SCARA5: variants seen among roughly 807,000 people sequenced by gnomAD.
SCARA5 encodes the protein scavenger receptor class A, member 5 (putative).
Under a neutral mutation model 46.3 loss-of-function variants are expected in SCARA5, and 45 were observed. The ratio of observed to expected loss-of-function variants is 0.97; its 90% CI spans 0.76 to 1.24. The LOEUF (loss-of-function observed/expected upper bound fraction) is 1.24, where lower values mean the gene tolerates loss of function less well. SCARA5 is among the 50% of genes most tolerant of loss of function. The probability of loss-of-function intolerance (pLI) is 0.00; values close to 1 mark genes in which losing one functional copy is unlikely to be tolerated. For synonymous variants in SCARA5, 333 were observed against 306.5 expected, an observed-to-expected ratio of 1.09 and a Z score of -0.90; for missense variants, 680 against 689.0, an observed-to-expected ratio of 0.99 and a Z score of 0.15.
chr8:27,916,939 C>T (rs905599122), intron 4 of SCARA5, among the ~76,000 whole-genome samples: 5 of 152,058 alleles, frequency 3.3e-5, no homozygotes, highest in African/African-American at 1.2e-4. Context: ...GGGTGAGGCC[C>T]TTGTGAATGG....
chr8:27,892,692 C>T (rs766475793), intron 7 of SCARA5, among the ~76,000 whole-genome samples: 6 of 151,280 alleles, frequency 4.0e-5, no homozygotes, highest in Non-Finnish European at 7.4e-5. Context: ...TCACTCAAGC[C>T]CCGCCTCCGG....
intron 7 of SCARA5, among the ~76,000 whole-genome samples, chr8:27,895,294 G>T (rs1563515584): frequency 1.3e-5 from 2 of 152,178 alleles, no homozygotes; most frequent in Non-Finnish European, 2.9e-5. Flanking sequence ...CGTGCCCCCA[G>T]CCGGCCTGAG....
Position 27,934,202 on chromosome 8 carries a change from C to A in SCARA5, c.242-11957G>T, listed in dbSNP as rs566567092. ...GGCAGCTGATGGGCAGGCCTGGGGA[C>A]CTCCCAGGGTGCAGAGGACCAGCTG... On this transcript the variant is annotated intron_variant, in intron 3 of 8. Transcript: ENST00000354914. 2.0e-5 allele frequency among the ~76,000 whole-genome samples: 3 copies of A among 152,208 alleles called. No homozygotes were observed. In the South Asian group the frequency reaches 6.2e-4, roughly 32 times the overall value.
chr8:27,917,294 T>C (rs915510714), intron 4 of SCARA5, among the ~76,000 whole-genome samples: 2 of 152,142 alleles, frequency 1.3e-5, no homozygotes, highest in Non-Finnish European at 1.5e-5. Flanking sequence ...AAAGACTACA[T>C]GGAGGATCCC....
Position 27,921,594 on chromosome 8 carries a change from A to G in SCARA5, c.893T>C (p.Leu298Pro). Residue 298 changes from leucine to proline, a missense_variant, in exon 4 of 9, where the codon CTG becomes CCG. Transcript: ENST00000354914. ...ACCTTTCGCGAGGGAGATGTTCCGC[A>G]GTGCGATGGAGTGCTCCCAGTCCTT... is the stretch of plus-strand genomic sequence containing the variant. ...RLKDWEHSIA[L>P]RNISLAKGPP... The G allele has an allele frequency of 6.4e-7, 1 of 1,565,064 alleles. No individual in the cohort carries two copies.
chr8:27,924,617 G>A (rs1032557749), intron 3 of SCARA5, among the ~76,000 whole-genome samples: 1 of 152,242 alleles, frequency 6.6e-6, no homozygotes, highest in African/African-American at 2.4e-5. Context: ...AGTTAGTGCT[G>A]ACTGTCAGAA....
chr8:27,927,222 C>T (rs76144781), intron 3 of SCARA5, among the ~76,000 whole-genome samples: 7,585 of 152,270 alleles, frequency 0.05, 337 homozygotes, highest in East Asian at 0.21. Context: ...GCCTGCTCAT[C>T]GGCTGCCTCC....
At chr8:27,967,462 AAG>A in intron 2 of SCARA5, among the ~76,000 whole-genome samples, 1 of 152,134 alleles carries the variant, frequency 6.6e-6, no homozygotes, top group Non-Finnish European at 1.5e-5. Context: ...AAGTGGAAAG[AAG>A]GGATCCTCTC....
In SCARA5 at chr8:27,976,760, C is replaced by T. The variant is rs929798180; in HGVS notation, c.113-10218G>A. 8.5e-5 allele frequency among the ~76,000 whole-genome samples: 13 copies of T among 152,100 alleles called. No individual in the cohort carries two copies. The East Asian group carries it at 1.7e-3, about 20-fold the overall frequency. On this transcript the variant is annotated intron_variant, in intron 2 of 8. Coordinates refer to ENST00000354914, the MANE Select transcript of SCARA5 (RefSeq NM_173833.6). ...AGCCTCCAGCTCTGCTACTTACGCA[C>T]GAAAAACACAGCAGGCCATGCCAGA...
At chr8:27,969,653 T>C (rs1474761112) in intron 2 of SCARA5, among the ~76,000 whole-genome samples, 1 of 152,078 alleles carries the variant, frequency 6.6e-6, no homozygotes, top group Non-Finnish European at 1.5e-5. Context: ...AATGATGGGC[T>C]CTGGGAGATA....
chr8:27,923,179 G>T (rs972234328), intron 3 of SCARA5, among the ~76,000 whole-genome samples: 2 of 152,210 alleles, frequency 1.3e-5, no homozygotes, highest in African/African-American at 4.8e-5. Context: ...TTCCCCTCAA[G>T]TCAGCTCCAG....
intron 3 of SCARA5, among the ~76,000 whole-genome samples, chr8:27,936,869 G>A (rs1807865997): frequency 6.6e-6 from 1 of 152,120 alleles, no homozygotes; most frequent in Non-Finnish European, 1.5e-5. Flanking sequence ...TTGTGCCCTG[G>A]CCCTAGCATT....
intron 8 of SCARA5, among the ~76,000 whole-genome samples, chr8:27,877,136 G>C (rs747014082): frequency 2.0e-4 from 30 of 152,254 alleles, no homozygotes; most frequent in Non-Finnish European, 3.5e-4. Flanking sequence ...TTGTAGAGAG[G>C]AGGAGAACAT....
At chr8:27,967,588 C>A (rs767943752) in intron 2 of SCARA5, among the ~76,000 whole-genome samples, 37 of 152,104 alleles carry the variant, frequency 2.4e-4, no homozygotes, top group Non-Finnish European at 4.9e-4. Flanking sequence ...GTGGGTAAGA[C>A]CCCTCTCCAG....
At chr8:27,949,056 C>T (rs754838506) in intron 3 of SCARA5, among the ~76,000 whole-genome samples, 28 of 152,262 alleles carry the variant, frequency 1.8e-4, no homozygotes, top group African/African-American at 3.9e-4. Context: ...TCCCTCACTT[C>T]GGGGTGCCTC....
Position 27,909,758 on chromosome 8 carries a change from A to G in SCARA5, c.917-15T>C. The G allele has an allele frequency of 6.5e-7, 1 of 1,541,544 alleles. No homozygotes were observed. The highest frequency in any genetic ancestry group is 8.8e-7 in the Non-Finnish European group (1 of 1,138,306). ...TCCCGGTGGCCCTGGAAAGGCAAAA[A>G]CAGCACTGAGGTTAGGGGGCTCCCT... On this transcript the variant is annotated splice_polypyrimidine_tract_variant and intron_variant, in intron 4 of 8. Coordinates refer to ENST00000354914, the MANE Select transcript of SCARA5 (RefSeq NM_173833.6).
chr8:27,922,303 C>A (rs1160824732), intron 3 of SCARA5, 58 bp from the exon 4 acceptor site: 17 of 1,310,716 alleles, frequency 1.3e-5, no homozygotes, highest in Non-Finnish European at 1.7e-5. Flanking sequence ...CCCCGGGTGA[C>A]AAGAGGCGAA....
chr8:27,876,863 G>A (rs879795128), intron 8 of SCARA5, among the ~76,000 whole-genome samples: 6 of 152,262 alleles, frequency 3.9e-5, no homozygotes, highest in Admixed American at 2.6e-4. Context: ...GACCTGGGAG[G>A]CTCCTTCAGG....
intron 3 of SCARA5, among the ~76,000 whole-genome samples, chr8:27,955,954 TAC>T (rs1393172847): frequency 2.6e-5 from 4 of 152,154 alleles, no homozygotes; most frequent in Non-Finnish European, 5.9e-5. Context: ...TGGTGTCATT[TAC>T]AGAGATGGAA....
Sources: allele counts gnomAD v4.1 joint callset (sites outside exome capture counted in the v4.1 genomes callset), GRCh38; gene constraint gnomAD v4.1.1; transcripts MANE v1.5; gene names NCBI Gene and HGNC (gene_info 2026-07-23, HGNC 2026-07-21).